Variants in CAPN14 observed in about 807,000 individuals in gnomAD.
CAPN14 encodes calpain 14.
A neutral mutation model predicts 101.3 loss-of-function variants in CAPN14; 94 were observed. The observed-to-expected ratio is 0.93, with a 90% CI of 0.79 to 1.10. The LOEUF is 1.10. CAPN14 is among the 50% of genes least tolerant of loss of function. The pLI, the probability that CAPN14 is intolerant of heterozygous loss-of-function variation, is 0.00. For synonymous variants in CAPN14, 338 were observed against 317.9 expected, an observed-to-expected ratio of 1.06 and a Z score of -0.67; for missense variants, 837 against 828.4, an observed-to-expected ratio of 1.01 and a Z score of -0.13.
In CAPN14 at chr2:31,192,053, G is replaced by T; in HGVS notation, c.1160C>A (p.Pro387His). 6.4e-7 allele frequency: 1 copy of T among 1,551,388 alleles called. No homozygotes were observed. The highest frequency in any genetic ancestry group is 8.7e-7 in the Non-Finnish European group (1 of 1,146,830). The change falls in exon 11 of 22, where the codon CCC (proline) becomes CAC (histidine). Residue 387 changes from proline (P) to histidine (H), a missense_variant. By Grantham distance (77) the Pro-to-His change is moderately conservative. Transcript: ENST00000403897. ...CCTCAGGGATCTCCTGCCCTCCTCGGGCCTCCAGACAGACAGCAGGAACTG... is the reference window on the plus strand; with the variant it reads ...CCTCAGGGATCTCCTGCCCTCCTCGTGCCTCCAGACAGACAGCAGGAACTG... ...NPQFLLSVWR[P>H]EEGRRSLRPC...
In CAPN14 at chr2:31,188,358, A is replaced by G. The variant is rs760876747; in HGVS notation, c.1494-4T>C. The G allele has an allele frequency of 1.3e-6, 2 of 1,551,602 alleles. No homozygotes were observed. The highest frequency in any genetic ancestry group is 2.4e-5 in the South Asian group (2 of 84,064). ...ACCAGAATTGCTGCCAATTTCACTG[A>G]GAACAAACAAACAAGAACAAACTCA... On this transcript the variant is annotated splice_polypyrimidine_tract_variant and splice_region_variant and intron_variant, in intron 13 of 21. Transcript: ENST00000403897.
intron 15 of CAPN14, 60 bp downstream of exon 15, chr2:31,187,698 T>G: frequency 5.7e-6 from 8 of 1,414,628 alleles, no homozygotes; most frequent in South Asian, 1.2e-5. Flanking sequence ...CTTTATAAAA[T>G]GAGAAGCTCC....
At chr2:31,196,569 C>T (rs535079479) in intron 8 of CAPN14, among the ~76,000 whole-genome samples, 1 of 148,556 alleles carries the variant, frequency 6.7e-6, no homozygotes, top group East Asian at 2.1e-4. Context: ...CGTTTGTAGA[C>T]TCTGAAGACC....
intron 12 of CAPN14, among the ~76,000 whole-genome samples, chr2:31,190,255 G>T (rs1681113895): frequency 6.6e-6 from 1 of 151,818 alleles, no homozygotes; most frequent in South Asian, 2.1e-4. Context: ...AGGGAGAGGA[G>T]ACCCATACCA....
chr2:31,177,780 G>A lies in CAPN14; in HGVS notation c.1821C>T (p.Asn607=). The A allele has an allele frequency of 6.4e-7, 1 of 1,552,010 alleles. No individual in the cohort carries two copies. The highest frequency in any genetic ancestry group is 8.7e-7 in the Non-Finnish European group (1 of 1,147,048). ...HKQDRGSGYL[N]WEQLHAAMRE... is the part of the protein sequence containing the mutation. Reference sequence around the variant, plus strand: ...TCATGGCAGCGTGCAGCTGCTCCCAGTTCAGGTATCCTGACCCACGGTCTT... The same window carrying A: ...TCATGGCAGCGTGCAGCTGCTCCCAATTCAGGTATCCTGACCCACGGTCTT... Residue 607 remains asparagine (N), a synonymous_variant, in exon 19 of 22, where the codon AAC becomes AAT. Coordinates refer to ENST00000403897, the MANE Select transcript of CAPN14 (RefSeq NM_001145122.2).
At chr2:31,215,848 GAA>G (rs35210385) in intron 1 of CAPN14, among the ~76,000 whole-genome samples, 84,440 of 134,538 alleles carry the variant, frequency 0.63, 25,715 homozygotes, top group East Asian at 0.92. Flanking sequence ...TCTTAAAAAA[GAA>G]AAAAAAAAAA....
chr2:31,213,850 A>T (rs1451652165), intron 1 of CAPN14, among the ~76,000 whole-genome samples: 1 of 152,220 alleles, frequency 6.6e-6, no homozygotes, highest in Non-Finnish European at 1.5e-5. Context: ...ACAGGAAAAC[A>T]GCATCTCTAT....
chr2:31,229,777 T>C (rs1683133787), intron 1 of CAPN14, among the ~76,000 whole-genome samples: 1 of 152,094 alleles, frequency 6.6e-6, no homozygotes, highest in Admixed American at 6.5e-5. Flanking sequence ...CAATTCCATT[T>C]CCCTTTTTTG....
chr2:31,214,784 C>T (rs191784244), intron 1 of CAPN14, among the ~76,000 whole-genome samples: 1 of 152,304 alleles, frequency 6.6e-6, no homozygotes, highest in East Asian at 1.9e-4. Flanking sequence ...CACAGCTTTC[C>T]CTGAGCAAAG....
At chr2:31,177,968 T>G in intron 18 of CAPN14, 147 bp from the exon 19 acceptor site, 1 of 661,090 alleles carries the variant, frequency 1.5e-6, no homozygotes, top group Middle Eastern at 2.6e-4. Context: ...GATAAGAATA[T>G]GGCAGAGTCC....
chr2:31,176,311 T>C lies in CAPN14; in HGVS notation c.2028+276A>G, dbSNP rs183247168. On this transcript the variant is annotated intron_variant, in intron 21 of 21. Transcript: ENST00000403897. ...AAGCTAAATAAGTGCTTGTCATACA[T>C]ATGCTGCTGAAGTTTTGTAAATTTG... Among the ~76,000 whole-genome samples the C allele has an allele frequency of 1.1e-4, 16 of 152,374 alleles. No individual in the cohort carries two copies. In the East Asian group the frequency reaches 3.1e-3, roughly 29 times the overall value.
chr2:31,233,600 T>C (rs1683260757), intron 1 of CAPN14, among the ~76,000 whole-genome samples: 1 of 152,196 alleles, frequency 6.6e-6, no homozygotes, highest in Non-Finnish European at 1.5e-5. Context: ...TTCCCAATAC[T>C]TGCAGGGATT....
intron 1 of CAPN14, chr2:31,233,731 C>T (rs997641316): frequency 6.6e-6 from 1 of 151,330 alleles, no homozygotes; most frequent in Non-Finnish European, 1.5e-5. Flanking sequence ...TTTTGTGTAA[C>T]CTGATAGTGG....
At chr2:31,179,060 CTATATA>C (rs60701103) in intron 17 of CAPN14, among the ~76,000 whole-genome samples, 898 of 69,178 alleles carry the variant, frequency 0.013, 8 homozygotes, top group African/African-American at 0.055. Flanking sequence ...TTATTGAGTT[CTATATA>C]TATATATATA....
intron 12 of CAPN14, among the ~76,000 whole-genome samples, chr2:31,190,593 C>G (rs1044051089): frequency 6.6e-6 from 1 of 152,048 alleles, no homozygotes; most frequent in African/African-American, 2.4e-5. Context: ...TGCAGGTTTC[C>G]TCTGTTTACA....
chr2:31,219,222 C>T (rs146304733), upstream of CAPN14, among the ~76,000 whole-genome samples: 1 of 152,152 alleles, frequency 6.6e-6, no homozygotes, highest in African/African-American at 2.4e-5. Flanking sequence ...AGGGTAAGGC[C>T]CAAGGGCCAT....
chr2:31,231,766 G>A lies in CAPN14; in HGVS notation c.-177+2025C>T, dbSNP rs62140685. Among the ~76,000 whole-genome samples, 1,267 of 152,192 alleles carry A rather than the reference G, an allele frequency of 8.3e-3. 8 individuals are homozygous for A. The highest frequency in any genetic ancestry group is 0.013 in the Non-Finnish European group (910 of 68,000). On this transcript the variant is annotated intron_variant and NMD_transcript_variant, in intron 1 of 21. Transcript: ENST00000398824. ...ACGCTGGCCATACTGACCTCTCTCC[G>A]GGGACAGGCTCAGATCTCTCCAAGG...
upstream of CAPN14, among the ~76,000 whole-genome samples, chr2:31,219,241 G>A (rs371679997): frequency 1.1e-4 from 17 of 151,902 alleles, no homozygotes; most frequent in African/African-American, 2.9e-4. Flanking sequence ...ATTTCCTCCC[G>A]TGACAACTCT....
At chr2:31,231,711 A>G (rs1352855306) in intron 1 of CAPN14, among the ~76,000 whole-genome samples, 1 of 152,174 alleles carries the variant, frequency 6.6e-6, no homozygotes, top group East Asian at 1.9e-4. Context: ...AAATACTTCC[A>G]TAATGGGGCC....
Sources: allele counts gnomAD v4.1 joint callset (sites outside exome capture counted in the v4.1 genomes callset), GRCh38; gene constraint gnomAD v4.1.1; transcripts MANE v1.5; gene names NCBI Gene and HGNC (gene_info 2026-07-23, HGNC 2026-07-21).